The following ARHGAP6 variants were observed in gnomAD, a reference collection of about 807,000 sequenced individuals.
ARHGAP6 encodes rho GTPase-activating protein 6.
Under a neutral mutation model 55.7 loss-of-function variants are expected in ARHGAP6, and 16 were observed. The ratio of observed to expected loss-of-function variants is 0.29; its 90% CI spans 0.19 to 0.44. The LOEUF is 0.44. Among genes scored for constraint, ARHGAP6 ranks in the 20% least tolerant of loss-of-function variants. ARHGAP6 has a pLI of 1.00. For synonymous variants in ARHGAP6, 382 were observed against 360.9 expected (o/e 1.06, Z -0.66); for missense variants, 698 against 808.9 (o/e 0.86, Z 1.66).
chrX:11,380,821 G>A (rs2049254426), intron 1 of ARHGAP6, among the ~76,000 whole-genome samples: 1 of 112,194 alleles, frequency 8.9e-6, no homozygotes, highest in African/African-American at 3.2e-5. Flanking sequence ...GGCCTCTACC[G>A]ACTAGTAGCA....
At chrX:11,640,926 T>C (rs1347350881) in intron 1 of ARHGAP6, among the ~76,000 whole-genome samples, 1 of 111,684 alleles carries the variant, frequency 9.0e-6, no homozygotes, top group African/African-American at 3.3e-5. Context: ...TAAATTTCCC[T>C]GTGTCCTACC....
At chrX:11,502,810 T>C (rs1440487147) in intron 1 of ARHGAP6, among the ~76,000 whole-genome samples, 1 of 112,589 alleles carries the variant, frequency 8.9e-6, no homozygotes, top group East Asian at 2.8e-4. Context: ...CAACTGTTTA[T>C]GTTATCTGCA....
At chrX:11,194,794 T>C (rs1044288882) in intron 3 of ARHGAP6, among the ~76,000 whole-genome samples, 1 of 111,969 alleles carries the variant, frequency 8.9e-6, no homozygotes, top group African/African-American at 3.3e-5. Context: ...GAACCAAATG[T>C]CATGACTGTT....
At chrX:11,458,009 A>C (rs1436445602) in intron 1 of ARHGAP6, among the ~76,000 whole-genome samples, 1 of 112,246 alleles carries the variant, frequency 8.9e-6, no homozygotes, top group Admixed American at 9.4e-5. Flanking sequence ...AGATAGAGCA[A>C]AGAAATAAAC....
At chrX:11,305,844 G>T (rs2048232224) in intron 1 of ARHGAP6, among the ~76,000 whole-genome samples, 1 of 111,815 alleles carries the variant, frequency 8.9e-6, no homozygotes, top group Non-Finnish European at 1.9e-5. Flanking sequence ...TTACAAAATT[G>T]TTACAGAATA....
At position 11,224,375 on chromosome X, in the gene ARHGAP6, G is replaced by A. The variant is rs989261234; in HGVS notation, c.749-27379C>T. 9 of 581,005 alleles carry A rather than the reference G, an allele frequency of 1.5e-5. No homozygotes were observed. The African/African-American group carries it at 2.2e-4, about 14-fold the overall frequency. 47.9% of individuals were successfully genotyped at this position (581,005 alleles called of 1,213,427 possible). ...GGCTTAGCTTTACAATTAACCTATT[G>A]TATCAATGTCTCAGGTAGTAATGGT... is the stretch of plus-strand genomic sequence containing the variant. On this transcript the variant is annotated intron_variant, in intron 2 of 12. Transcript: ENST00000337414.
chrX:11,428,753 G>T (rs2049915167), intron 1 of ARHGAP6, among the ~76,000 whole-genome samples: 1 of 111,731 alleles, frequency 9.0e-6, no homozygotes, highest in Non-Finnish European at 1.9e-5. Flanking sequence ...CGGAATTTCA[G>T]CCCTTACAAT....
At chrX:11,442,034 ATAAC>A (rs1341021600) in intron 1 of ARHGAP6, among the ~76,000 whole-genome samples, 1 of 112,050 alleles carries the variant, frequency 8.9e-6, no homozygotes, top group Non-Finnish European at 1.9e-5. Context: ...TTATGAAACA[ATAAC>A]TAGTACATCT....
intron 2 of ARHGAP6, among the ~76,000 whole-genome samples, chrX:11,217,453 C>A (rs1474426326): frequency 2.7e-5 from 3 of 112,393 alleles, no homozygotes. Flanking sequence ...ATTTGCATTT[C>A]TCTAATGACC....
chrX:11,407,992 T>A (rs527667498), intron 1 of ARHGAP6, among the ~76,000 whole-genome samples: 48 of 111,484 alleles, frequency 4.3e-4, no homozygotes, highest in African/African-American at 1.6e-3. Context: ...TAACTATAAA[T>A]CACTTAACCA....
chrX:11,417,612 G>T (rs1452243018), intron 1 of ARHGAP6, among the ~76,000 whole-genome samples: 3 of 111,442 alleles, frequency 2.7e-5, no homozygotes, highest in Non-Finnish European at 5.7e-5. Context: ...TAGATAAGGG[G>T]TACATGGGAC....
chrX:11,165,292 T>G (rs1333923416), intron 9 of ARHGAP6, among the ~76,000 whole-genome samples: 1 of 111,832 alleles, frequency 8.9e-6, no homozygotes, highest in Admixed American at 9.5e-5. Context: ...AGGTTTGTAT[T>G]CTGTTAGGTT....
At chrX:11,600,273 G>A (rs780324011) in intron 1 of ARHGAP6, among the ~76,000 whole-genome samples, 5 of 112,016 alleles carry the variant, frequency 4.5e-5, no homozygotes, top group Non-Finnish European at 9.4e-5. Context: ...ATATCTGGAT[G>A]GTAACACACC....
intron 1 of ARHGAP6, among the ~76,000 whole-genome samples, chrX:11,464,258 TATTTA>T (rs2050272469): frequency 8.9e-6 from 1 of 111,958 alleles, no homozygotes; most frequent in African/African-American, 3.2e-5. Context: ...AAGCAGAAAT[TATTTA>T]ATATTTTATT....
chrX:11,298,228 C>A (rs961496168), intron 1 of ARHGAP6: 2 of 1,209,539 alleles, frequency 1.7e-6, no homozygotes, highest in African/African-American at 1.8e-5. Context: ...ATATCTTTTT[C>A]TCTTAAGGTG....
intron 1 of ARHGAP6, among the ~76,000 whole-genome samples, chrX:11,262,408 T>A (rs1258062764): frequency 8.9e-6 from 1 of 112,348 alleles, no homozygotes; most frequent in African/African-American, 3.2e-5. Flanking sequence ...TGAGCTAAGT[T>A]GCACCTTTAC....
chrX:11,649,570 A>C (rs1034801173), intron 1 of ARHGAP6, among the ~76,000 whole-genome samples: 3 of 110,265 alleles, frequency 2.7e-5, no homozygotes, highest in Non-Finnish European at 5.7e-5. Flanking sequence ...TTTCTTCATT[A>C]CTCCTTCCTG....
intron 1 of ARHGAP6, among the ~76,000 whole-genome samples, chrX:11,459,245 C>T (rs1469044098): frequency 9.0e-6 from 1 of 111,709 alleles, no homozygotes; most frequent in Non-Finnish European, 1.9e-5. Context: ...TCAACTACAT[C>T]GATTCTCATA....
chrX:11,651,587 G>T (rs1421380471), intron 1 of ARHGAP6, among the ~76,000 whole-genome samples: 1 of 111,776 alleles, frequency 8.9e-6, no homozygotes, highest in Non-Finnish European at 1.9e-5. Flanking sequence ...TGTGAATGGT[G>T]CTGCAATGAA....
Sources: allele counts gnomAD v4.1 joint callset (sites outside exome capture counted in the v4.1 genomes callset), GRCh38; gene constraint gnomAD v4.1.1; transcripts MANE v1.5; gene names NCBI Gene and HGNC (gene_info 2026-07-23, HGNC 2026-07-21).